The following RDX variants were observed in gnomAD, a reference collection of about 807,000 sequenced individuals.
RDX encodes radixin.
RDX carries 32 observed loss-of-function variants against 83.7 expected under a neutral mutation model. The ratio of observed to expected loss-of-function variants is 0.38; its 90% confidence interval spans 0.29 to 0.51. The LOEUF is 0.51. Among genes scored for constraint, RDX ranks in the 20% least tolerant of loss-of-function variants. RDX has a pLI of 0.87. For synonymous variants in RDX, 229 were observed against 222.7 expected (o/e 1.03, Z -0.25); for missense variants, 600 against 689.9 (o/e 0.87, Z 1.46).
intron 15 of RDX, among the ~76,000 whole-genome samples, chr11:110,195,030 G>A (rs970297331): frequency 3.9e-5 from 6 of 152,028 alleles, no homozygotes; most frequent in South Asian, 2.1e-4. Flanking sequence ...TCGCTTTGTC[G>A]TCCAGGCTGG....
chr11:110,228,815 CA>C (rs1340113536), downstream of RDX, among the ~76,000 whole-genome samples: 1 of 151,618 alleles, frequency 6.6e-6, no homozygotes, highest in Non-Finnish European at 1.5e-5. Flanking sequence ...TCTAATTAGA[CA>C]TAAAGCAAAA....
chr11:110,217,420 C>T (rs1326401634), intron 14 of RDX, among the ~76,000 whole-genome samples: 1 of 152,130 alleles, frequency 6.6e-6, no homozygotes, highest in East Asian at 1.9e-4. Flanking sequence ...TAGTACACAG[C>T]GCCTGTCAAG....
chr11:110,215,370 AAATAAATAAAT>A (rs1565295797), intron 14 of RDX, among the ~76,000 whole-genome samples: 357 of 43,866 alleles, frequency 8.1e-3, no homozygotes, highest in Non-Finnish European at 0.014. Context: ...CTCAAAAAAT[AAATAAATAAAT>A]AAATAAATAA....
intron 5 of RDX, among the ~76,000 whole-genome samples, chr11:110,261,807 T>TCC (rs1489339922): frequency 2.0e-5 from 3 of 152,216 alleles, no homozygotes; most frequent in African/African-American, 4.8e-5. Flanking sequence ...TTAGCCACCT[T>TCC]CCTTCTTTTT....
At chr11:110,238,468 G>A (rs1247244265) in intron 10 of RDX, among the ~76,000 whole-genome samples, 4 of 152,144 alleles carry the variant, frequency 2.6e-5, no homozygotes, top group African/African-American at 4.8e-5. Context: ...CACCTAGTAA[G>A]ACAGTACAAG....
intron 5 of RDX, among the ~76,000 whole-genome samples, chr11:110,259,541 A>AG (rs1428597082): frequency 6.6e-6 from 1 of 152,240 alleles, no homozygotes; most frequent in East Asian, 1.9e-4. Context: ...AATTCCTTAA[A>AG]GGGGTCTCAG....
chr11:110,248,977 T>C (rs983758995), intron 9 of RDX, among the ~76,000 whole-genome samples: 4 of 152,128 alleles, frequency 2.6e-5, no homozygotes, highest in Non-Finnish European at 5.9e-5. Context: ...TGGGAAAAAA[T>C]GCCTTGATCA....
chr11:110,293,456 G>C (rs193290084), intron 1 of RDX, among the ~76,000 whole-genome samples: 10 of 152,198 alleles, frequency 6.6e-5, no homozygotes, highest in Non-Finnish European at 1.2e-4. Context: ...AGGAAAGGCA[G>C]GATTTCTCTA....
At chr11:110,261,080 C>T (rs188370104) in intron 5 of RDX, among the ~76,000 whole-genome samples, 1 of 152,120 alleles carries the variant, frequency 6.6e-6, no homozygotes, top group East Asian at 1.9e-4. Context: ...GTTTAATTAC[C>T]ATCTATTCAC....
At chr11:110,289,255 A>AC (rs1861116102) in intron 1 of RDX, among the ~76,000 whole-genome samples, 1 of 151,634 alleles carries the variant, frequency 6.6e-6, no homozygotes, top group African/African-American at 2.4e-5. Flanking sequence ...AAAAAAAAAA[A>AC]AAAAAACTTT....
intron 14 of RDX, among the ~76,000 whole-genome samples, chr11:110,208,429 C>T (rs553364673): frequency 6.6e-6 from 1 of 152,170 alleles, no homozygotes; most frequent in Non-Finnish European, 1.5e-5. Context: ...TCACCAAGAG[C>T]CTTCTTCCCT....
chr11:110,265,464 T>C (rs1192628389), intron 3 of RDX, among the ~76,000 whole-genome samples: 1 of 151,262 alleles, frequency 6.6e-6, no homozygotes. Context: ...CTTTTCCTTA[T>C]CTATCATGAC....
intron 15 of RDX, among the ~76,000 whole-genome samples, chr11:110,194,199 G>A (rs745754): frequency 0.45 from 67,627 of 151,712 alleles, 15,233 homozygotes; most frequent in East Asian, 0.6. Flanking sequence ...CTTCCAGGCT[G>A]TATTTTTTAA....
chr11:110,235,916 C>G (rs1200093131), intron 12 of RDX, among the ~76,000 whole-genome samples, 183 bp downstream of exon 12: 1 of 152,184 alleles, frequency 6.6e-6, no homozygotes, highest in Admixed American at 6.5e-5. Flanking sequence ...AGAAATTAAT[C>G]ACCTCTTCTG....
intron 1 of RDX, among the ~76,000 whole-genome samples, chr11:110,284,403 G>GT (rs1244486775): frequency 1.3e-5 from 2 of 152,198 alleles, no homozygotes; most frequent in Non-Finnish European, 1.5e-5. Context: ...GGTTGTGGGG[G>GT]TTTTTTATTT....
At chr11:110,247,627 G>C in intron 10 of RDX, 76 bp downstream of exon 10, 4 of 1,457,306 alleles carry the variant, frequency 2.7e-6, no homozygotes, top group Non-Finnish European at 2.8e-6. Flanking sequence ...AGGTTTAAGA[G>C]TACTAAAAAA....
chr11:110,237,680 A>C, intron 10 of RDX, 28 bp from the exon 11 acceptor site: 4 of 1,609,262 alleles, frequency 2.5e-6, no homozygotes, highest in Non-Finnish European at 2.6e-6. Context: ...TCCCCCCAAC[A>C]GTGATTAATT....
intron 14 of RDX, among the ~76,000 whole-genome samples, chr11:110,221,060 G>C (rs1012059328): frequency 1.1e-4 from 16 of 151,962 alleles, no homozygotes; most frequent in African/African-American, 3.9e-4. Flanking sequence ...CAGTGGCAGC[G>C]ACTGGCTAAA....
At chr11:110,220,652 C>T (rs1864211361) in intron 14 of RDX, among the ~76,000 whole-genome samples, 1 of 152,110 alleles carries the variant, frequency 6.6e-6, no homozygotes. Context: ...GCAGCTGCCA[C>T]CACATTTGGC....
Sources: allele counts gnomAD v4.1 joint callset (sites outside exome capture counted in the v4.1 genomes callset), GRCh38; gene constraint gnomAD v4.1.1; transcripts MANE v1.5; gene names NCBI Gene and HGNC (gene_info 2026-07-23, HGNC 2026-07-21).